The following LDHAL6A variants were observed in gnomAD, a reference collection of about 807,000 sequenced individuals.
LDHAL6A encodes lactate dehydrogenase A like 6A.
A neutral mutation model predicts 28.2 loss-of-function variants in LDHAL6A; 19 were observed. The observed-to-expected ratio is 0.67, with a 90% CI of 0.47 to 0.99. LDHAL6A has a LOEUF of 0.99. LDHAL6A is among the 50% of genes least tolerant of loss of function. The pLI is 0.00. For missense variants in LDHAL6A, 372 were observed against 398.6 expected, an observed-to-expected ratio of 0.93 and a Z score of 0.57; for synonymous variants, 144 against 134.4, an observed-to-expected ratio of 1.07 and a Z score of -0.49.
At chr11:18,465,974 A>ACTCC in intron 3 of LDHAL6A, among the ~76,000 whole-genome samples, 164 bp downstream of exon 3, 1 of 151,162 alleles carries the variant, frequency 6.6e-6, no homozygotes, top group East Asian at 1.9e-4. Context: ...TGCTGCTCTC[A>ACTCC]CTCCCTCCCT....
intron 1 of LDHAL6A, among the ~76,000 whole-genome samples, chr11:18,461,511 A>G (rs925717056): frequency 2.1e-4 from 32 of 152,164 alleles, no homozygotes; most frequent in Non-Finnish European, 3.5e-4. Context: ...TTATTATGTA[A>G]TAAAGATAAA....
At position 18,477,754 on chromosome 11, in the gene LDHAL6A, C is replaced by A; in HGVS notation, c.834+11C>A. On this transcript the variant is annotated intron_variant, in intron 6 of 6. Coordinates refer to ENST00000280706, the MANE Select transcript of LDHAL6A (RefSeq NM_144972.5). ...TCTACCCTAAGTAAGGTAGGACATTCATGTTCGAAAAATCATTAACTCAAC... is the reference window on the plus strand; with the variant it reads ...TCTACCCTAAGTAAGGTAGGACATTAATGTTCGAAAAATCATTAACTCAAC... The A allele has an allele frequency of 6.3e-7, 1 of 1,584,116 alleles. No individual in the cohort carries two copies. The highest frequency in any genetic ancestry group is 8.6e-7 in the Non-Finnish European group (1 of 1,169,044).
chr11:18,457,203 A>C (rs1481782736), intron 1 of LDHAL6A, among the ~76,000 whole-genome samples: 2 of 152,212 alleles, frequency 1.3e-5, no homozygotes, highest in Non-Finnish European at 2.9e-5. Flanking sequence ...TCATTTAAAT[A>C]TCTCTCTCCC....
Position 18,465,705 on chromosome 11 carries a change from A to G in LDHAL6A, c.313A>G (p.Thr105Ala). The change falls in exon 3 of 7, where the codon ACA (threonine) becomes GCA (alanine). Residue 105 changes from threonine (T) to alanine (A), a missense_variant. By Grantham distance (58) the Thr-to-Ala change is moderately conservative. Around this residue, in one of 3 missense-constraint regions of LDHAL6A, gnomAD observed 291 missense variants for 302.9 expected, o/e 0.96. Transcript: ENST00000280706. Reference protein sequence around the residue: ...TAGARQKKGETRLDLVQRNVS... With the variant: ...TAGARQKKGEARLDLVQRNVS... The stretch of plus-strand genomic sequence containing the variant: ...AGGTGCACGCCAGAAAAAAGGAGAA[A>G]CACGCCTTGATTTAGTCCAGCGAAA... 1 of 1,613,866 alleles carries G rather than the reference A, an allele frequency of 6.2e-7. No homozygotes were observed. The highest frequency in any genetic ancestry group is 8.5e-7 in the Non-Finnish European group (1 of 1,179,790).
chr11:18,467,878 CACATATATATATATAT>C (rs1849114540), intron 3 of LDHAL6A, among the ~76,000 whole-genome samples: 7 of 36,312 alleles, frequency 1.9e-4, no homozygotes, highest in African/African-American at 7.3e-4. Context: ...TATATATACA[CACATATATATATATAT>C]ATATATATAT....
intron 3 of LDHAL6A, among the ~76,000 whole-genome samples, chr11:18,468,062 C>CGT (rs1554967539): frequency 4.2e-4 from 13 of 30,852 alleles, no homozygotes; most frequent in African/African-American, 1.3e-3. Context: ...TATATATATA[C>CGT]ATATATATAT....
chr11:18,464,654 G>T (rs556992160), intron 2 of LDHAL6A, among the ~76,000 whole-genome samples: 19 of 151,950 alleles, frequency 1.3e-4, no homozygotes, highest in Non-Finnish European at 2.4e-4. Context: ...GGTGGAGGTT[G>T]TGGTGAGCCA....
chr11:18,461,811 C>T (rs868289197), intron 1 of LDHAL6A, among the ~76,000 whole-genome samples: 14 of 150,926 alleles, frequency 9.3e-5, no homozygotes, highest in Middle Eastern at 3.4e-3. Flanking sequence ...CGAGATAGTG[C>T]CACTGCACTC....
At chr11:18,475,367 T>C in intron 3 of LDHAL6A, 99 bp from the exon 4 acceptor site, 2 of 937,272 alleles carry the variant, frequency 2.1e-6, no homozygotes, top group Non-Finnish European at 1.6e-6. Flanking sequence ...TCTTGCCTCC[T>C]CCACAAAACA....
At chr11:18,477,113 G>C (rs1009513140) in intron 5 of LDHAL6A, among the ~76,000 whole-genome samples, 5 of 151,768 alleles carry the variant, frequency 3.3e-5, no homozygotes, top group African/African-American at 7.3e-5. Flanking sequence ...GTCGAGGTGA[G>C]CTCTGATGAT....
rs573682103 is a variant in LDHAL6A, at chr11:18,476,766, C to T, written c.710+265C>T. On this transcript the variant is annotated intron_variant, in intron 5 of 6. Transcript: ENST00000280706. The stretch of plus-strand genomic sequence containing the variant: ...TTGACTGACAATGTATTTTTTCAAA[C>T]ACTTGCTATATAGTGTTTATTGTAG... 13 of 217,726 alleles carry T rather than the reference C, an allele frequency of 6.0e-5. No individual in the cohort carries two copies. In the Admixed American group the frequency reaches 8.5e-4, roughly 14 times the overall value. 13.5% of individuals were successfully genotyped at this position (217,726 alleles called of 1,614,324 possible).
At chr11:18,471,469 C>T (rs1300033720) in intron 3 of LDHAL6A, among the ~76,000 whole-genome samples, 5 of 151,734 alleles carry the variant, frequency 3.3e-5, no homozygotes, top group South Asian at 2.1e-4. Flanking sequence ...CTTGACCTCC[C>T]GAAGTGCTGG....
At chr11:18,466,890 A>G (rs1046552301) in intron 3 of LDHAL6A, among the ~76,000 whole-genome samples, 1 of 152,082 alleles carries the variant, frequency 6.6e-6, no homozygotes, top group Non-Finnish European at 1.5e-5. Flanking sequence ...GACTGCTGAT[A>G]GATTATGTCT....
At chr11:18,472,312 T>C (rs553345586) in intron 3 of LDHAL6A, among the ~76,000 whole-genome samples, 2 of 152,324 alleles carry the variant, frequency 1.3e-5, no homozygotes, top group Non-Finnish European at 2.9e-5. Context: ...CCATCTCAGG[T>C]ATTAGAATGA....
intron 2 of LDHAL6A, among the ~76,000 whole-genome samples, chr11:18,464,977 G>GTTTTTTTGTTTTTTTTTTTT (rs1565068683): frequency 4.0e-5 from 5 of 125,488 alleles, no homozygotes; most frequent in Admixed American, 2.5e-4. Flanking sequence ...TGTTTTTTTT[G>GTTTTTTTGTTTTTTTTTTTT]TTTTTTTTTG....
chr11:18,477,141 G>A (rs900890103), intron 5 of LDHAL6A, among the ~76,000 whole-genome samples: 2 of 151,628 alleles, frequency 1.3e-5, no homozygotes, highest in Non-Finnish European at 2.9e-5. Flanking sequence ...CACTCCAGCT[G>A]AGACCCTCTC....
chr11:18,475,899 C>T (rs1849366045), intron 4 of LDHAL6A, among the ~76,000 whole-genome samples: 1 of 152,046 alleles, frequency 6.6e-6, no homozygotes, highest in African/African-American at 2.4e-5. Context: ...AACTAAGTAA[C>T]ATGATATAGT....
intron 3 of LDHAL6A, among the ~76,000 whole-genome samples, chr11:18,470,690 CTTT>C (rs573072507): frequency 4.9e-4 from 70 of 143,736 alleles, no homozygotes; most frequent in African/African-American, 1.6e-3. Context: ...ACCTAGCACA[CTTT>C]TTTTTTTTTT....
At chr11:18,460,902 C>G (rs1414785546) in intron 1 of LDHAL6A, among the ~76,000 whole-genome samples, 4 of 152,116 alleles carry the variant, frequency 2.6e-5, no homozygotes, top group South Asian at 4.1e-4. Context: ...AATGGTCAAT[C>G]TGATAGCTCA....
Sources: allele counts gnomAD v4.1 joint callset (sites outside exome capture counted in the v4.1 genomes callset), GRCh38; gene constraint gnomAD v4.1.1; regional missense constraint gnomAD v4.1.1; transcripts MANE v1.5; gene names NCBI Gene and HGNC (gene_info 2026-07-23, HGNC 2026-07-21).